Variants in RABEP1 observed in about 807,000 individuals in gnomAD.
RABEP1 encodes the protein rab GTPase-binding effector protein 1.
RABEP1 carries 51 observed loss-of-function variants against 123.4 expected under a neutral mutation model. The ratio of observed to expected loss-of-function variants is 0.41; its 90% CI spans 0.33 to 0.52. The LOEUF (loss-of-function observed/expected upper bound fraction) is 0.52. Ranked by LOEUF, RABEP1 falls within the 20% of genes least tolerant of loss-of-function variation. RABEP1 has a pLI of 0.16. For synonymous variants in RABEP1, 347 were observed against 355.2 expected, an observed-to-expected ratio of 0.98 and a Z score of 0.26; for missense variants, 888 against 996.3, an observed-to-expected ratio of 0.89 and a Z score of 1.46.
intron 11 of RABEP1, among the ~76,000 whole-genome samples, chr17:5,367,264 A>G (rs1910083308): frequency 6.6e-6 from 1 of 151,698 alleles, no homozygotes; most frequent in Non-Finnish European, 1.5e-5. Flanking sequence ...ACACACACAC[A>G]CACACACAGT....
chr17:5,325,235 C>A (rs918380094), intron 2 of RABEP1, among the ~76,000 whole-genome samples: 3 of 151,990 alleles, frequency 2.0e-5, no homozygotes, highest in Admixed American at 1.3e-4. Context: ...ACTTGGGAAG[C>A]TGAGGCAGGA....
chr17:5,368,066 T>G (rs1910226753), intron 11 of RABEP1, among the ~76,000 whole-genome samples: 1 of 152,162 alleles, frequency 6.6e-6, no homozygotes, highest in Admixed American at 6.6e-5. Context: ...CTGATTTTTT[T>G]TTTAAACATC....
rs576159550 is a variant in RABEP1 at position 5,309,454 on chromosome 17, G to A, written c.163+632G>A. On this transcript the variant is annotated intron_variant, in intron 2 of 17. Transcript: ENST00000537505. ...GGATCACCTGAGGTCGGGAGTTCAA[G>A]TCCAGCCTGGCCAACATGGAGAAAC... Among the ~76,000 whole-genome samples, 27 of 151,900 alleles carry A rather than the reference G, an allele frequency of 1.8e-4. 1 individual carries two copies. In the South Asian group the frequency reaches 5.6e-3, roughly 31 times the overall value.
intron 10 of RABEP1, chr17:5,364,527 T>G (rs1909847007): frequency 1.3e-5 from 2 of 151,950 alleles, no homozygotes; most frequent in South Asian, 4.2e-4. Flanking sequence ...AGGTTAGGAG[T>G]TCATAGACCA....
intron 4 of RABEP1, chr17:5,336,557 T>G: frequency 2.3e-6 from 1 of 429,632 alleles, no homozygotes; most frequent in Non-Finnish European, 4.5e-6. Flanking sequence ...TGACAGTTTC[T>G]CAGATTTTTC....
chr17:5,365,633 T>C (rs913139329), intron 11 of RABEP1, among the ~76,000 whole-genome samples: 13 of 152,110 alleles, frequency 8.5e-5, no homozygotes, highest in Admixed American at 6.5e-4. Context: ...GTAACCACCA[T>C]TGAGATCAAG....
Position 5,360,166 on chromosome 17 carries a change from C to A in RABEP1, c.1096-1042C>A, listed in dbSNP as rs116663543. ...TTATGGCTCTATGGATTTACTTGTT[C>A]TGGACATTTTAAATAGATGGAATTA... On this transcript the variant is annotated intron_variant, in intron 8 of 17. Coordinates refer to ENST00000537505, the MANE Select transcript of RABEP1 (RefSeq NM_004703.6). Among the ~76,000 whole-genome samples the A allele has an allele frequency of 6.0e-4, 91 of 152,302 alleles. 1 individual carries two copies. Among genetic ancestry groups the A allele is most frequent in the Non-Finnish European group, 1.0e-3 (69 of 68,018 alleles).
At chr17:5,282,711 G>A (rs1051944085) in intron 1 of RABEP1, among the ~76,000 whole-genome samples, 191 bp downstream of exon 1, 10 of 148,376 alleles carry the variant, frequency 6.7e-5, no homozygotes, top group African/African-American at 1.9e-4. Context: ...CCGTCGCTGG[G>A]GAGGGGGCGG....
intron 1 of RABEP1, among the ~76,000 whole-genome samples, chr17:5,299,427 A>G (rs1385389694): frequency 2.0e-5 from 3 of 148,214 alleles, no homozygotes; most frequent in Non-Finnish European, 4.5e-5. Context: ...TATTATCACT[A>G]TTATCCTTAA....
chr17:5,381,741 C>T (rs1386940514), intron 17 of RABEP1: 3 of 474,176 alleles, frequency 6.3e-6, no homozygotes, highest in Admixed American at 3.8e-5. Context: ...GAGTAAAGTA[C>T]TGACTCCTTA....
At chr17:5,350,106 C>T (rs746420397) in intron 6 of RABEP1, among the ~76,000 whole-genome samples, 1 of 152,010 alleles carries the variant, frequency 6.6e-6, no homozygotes, top group Non-Finnish European at 1.5e-5. Flanking sequence ...ATTGGCCGGG[C>T]GCGGTGGCTC....
chr17:5,376,523 CAG>C (rs541401736), intron 13 of RABEP1, among the ~76,000 whole-genome samples: 62 of 152,160 alleles, frequency 4.1e-4, no homozygotes, highest in Admixed American at 2.7e-3. Flanking sequence ...TAAAAGAAGA[CAG>C]AACTAAAATT....
intron 1 of RABEP1, among the ~76,000 whole-genome samples, chr17:5,290,288 C>G (rs2075020656): frequency 6.6e-6 from 1 of 152,148 alleles, no homozygotes; most frequent in Admixed American, 6.6e-5. Flanking sequence ...CGGGGTTTCA[C>G]CGTGTTAGCC....
At chr17:5,282,671 C>G (rs1213737263) in intron 1 of RABEP1, 151 bp downstream of exon 1, 15 of 359,246 alleles carry the variant, frequency 4.2e-5, no homozygotes, top group Non-Finnish European at 5.0e-5. Context: ...CGGGCTGCGG[C>G]GCGCGAGGGC....
chr17:5,362,141 T>G (rs1020840698), intron 9 of RABEP1: 1 of 162,020 alleles, frequency 6.2e-6, no homozygotes, highest in South Asian at 1.6e-4. Context: ...GAAACCAATC[T>G]TTAATGAAGT....
chr17:5,380,273 G>A (rs1454235117), intron 15 of RABEP1, 91 bp from the exon 16 acceptor site: 3 of 785,170 alleles, frequency 3.8e-6, no homozygotes, highest in African/African-American at 1.8e-5. Flanking sequence ...CGAGTGTCTT[G>A]GTGTAATTCT....
chr17:5,380,527 T>C (rs774354005), intron 16 of RABEP1, 65 bp downstream of exon 16: 13 of 1,288,264 alleles, frequency 1.0e-5, no homozygotes, highest in Non-Finnish European at 1.3e-5. Context: ...CACATCTTGC[T>C]TGTTGAAAAA....
At chr17:5,360,151 A>G (rs1314242965) in intron 8 of RABEP1, among the ~76,000 whole-genome samples, 1 of 152,182 alleles carries the variant, frequency 6.6e-6, no homozygotes, top group Non-Finnish European at 1.5e-5. Context: ...TTATGGCTCT[A>G]TGGATTTACT....
chr17:5,318,190 A>G (rs2075317248), intron 2 of RABEP1, among the ~76,000 whole-genome samples: 1 of 152,220 alleles, frequency 6.6e-6, no homozygotes, highest in Non-Finnish European at 1.5e-5. Flanking sequence ...AAACACAGGT[A>G]AAATAATTTT....
Sources: allele counts gnomAD v4.1 joint callset (sites outside exome capture counted in the v4.1 genomes callset), GRCh38; gene constraint gnomAD v4.1.1; transcripts MANE v1.5; gene names NCBI Gene and HGNC (gene_info 2026-07-23, HGNC 2026-07-21).